Variants in PCNX1 observed in about 807,000 individuals in gnomAD.
PCNX1 encodes pecanex-like protein 1.
In PCNX1, 78 loss-of-function variants were observed where a neutral mutation model predicts 242.2. The observed-to-expected ratio is 0.32, with a 90% CI of 0.27 to 0.39. The LOEUF is 0.39. Ranked by LOEUF, PCNX1 falls within the 10% of genes least tolerant of loss-of-function variation. The pLI is 1.00. For synonymous variants in PCNX1, 1,024 were observed against 1,032.9 expected (o/e 0.99, Z 0.17); for missense variants, 2,581 against 2,856.5 (o/e 0.90, Z 2.20).
intron 29 of PCNX1, among the ~76,000 whole-genome samples, 177 bp downstream of exon 29, chr14:71,088,607 A>G (rs558632357): frequency 2.0e-5 from 3 of 152,344 alleles, no homozygotes; most frequent in African/African-American, 7.2e-5. Context: ...ACTGGTTAAC[A>G]GAACTGGTTT....
chr14:71,042,476 G>A (rs1196156822), intron 19 of PCNX1, among the ~76,000 whole-genome samples: 1 of 151,854 alleles, frequency 6.6e-6, no homozygotes, highest in East Asian at 1.9e-4. Context: ...TCTGATACAA[G>A]TATAGCTCCG....
intron 8 of PCNX1, among the ~76,000 whole-genome samples, chr14:70,999,084 A>G (rs1475383526): frequency 8.5e-5 from 13 of 152,226 alleles, no homozygotes; most frequent in Admixed American, 7.9e-4. Context: ...TGACTTAGTA[A>G]TGCCCAGATT....
chr14:70,909,882 T>A (rs1346176686), intron 1 of PCNX1, among the ~76,000 whole-genome samples: 1 of 152,058 alleles, frequency 6.6e-6, no homozygotes, highest in East Asian at 1.9e-4. Context: ...TTACCTGAAA[T>A]GGATAATAAG....
At chr14:70,945,265 A>G (rs927216320) in intron 1 of PCNX1, among the ~76,000 whole-genome samples, 1 of 152,214 alleles carries the variant, frequency 6.6e-6, no homozygotes, top group Non-Finnish European at 1.5e-5. Context: ...GACCAAATAC[A>G]TATTTCACAA....
intron 32 of PCNX1, 149 bp downstream of exon 32, chr14:71,103,818 T>A: frequency 1.6e-6 from 1 of 638,620 alleles, no homozygotes; most frequent in Non-Finnish European, 2.6e-6. Context: ...AGAAGTAGAA[T>A]CTGAGCATTC....
chr14:71,083,543 C>T (rs1411056354), intron 28 of PCNX1, among the ~76,000 whole-genome samples: 7 of 152,022 alleles, frequency 4.6e-5, no homozygotes, highest in East Asian at 1.9e-4. Context: ...AGGCTTTGTT[C>T]GTTCCTTTTC....
intron 8 of PCNX1, among the ~76,000 whole-genome samples, chr14:70,999,206 A>G (rs1477702570): frequency 1.3e-5 from 2 of 152,182 alleles, no homozygotes; most frequent in Non-Finnish European, 2.9e-5. Context: ...TCTCTTATAA[A>G]TTAAGACTAA....
intron 11 of PCNX1, among the ~76,000 whole-genome samples, chr14:71,017,094 A>G (rs866538612): frequency 7.2e-5 from 11 of 152,348 alleles, no homozygotes; most frequent in African/African-American, 2.4e-4. Flanking sequence ...TTAGAGAATG[A>G]TATGAGCAGC....
At chr14:70,978,732 T>G in intron 6 of PCNX1, 84 bp downstream of exon 6, 1 of 1,181,696 alleles carries the variant, frequency 8.5e-7, no homozygotes, top group East Asian at 2.4e-5. Context: ...TAAAATATGC[T>G]TCTGTTAATA....
intron 19 of PCNX1, among the ~76,000 whole-genome samples, chr14:71,037,419 G>A (rs1356040308): frequency 7.0e-6 from 1 of 143,714 alleles, no homozygotes; most frequent in Non-Finnish European, 1.5e-5. Flanking sequence ...GATATTGGCT[G>A]TGGGTTTGTC....
chr14:70,948,939 G>A (rs868566040), intron 2 of PCNX1, among the ~76,000 whole-genome samples: 1 of 141,414 alleles, frequency 7.1e-6, no homozygotes. Flanking sequence ...GTACATATAT[G>A]TACATATACA....
intron 7 of PCNX1, 120 bp downstream of exon 7, chr14:70,988,819 C>A (rs2059073896): frequency 1.6e-6 from 2 of 1,283,542 alleles, no homozygotes; most frequent in Non-Finnish European, 2.2e-6. Flanking sequence ...TGTTTCTTTC[C>A]TATACATTTA....
chr14:71,007,117 G>A (rs1443742439), intron 8 of PCNX1, among the ~76,000 whole-genome samples: 1 of 151,734 alleles, frequency 6.6e-6, no homozygotes, highest in Non-Finnish European at 1.5e-5. Flanking sequence ...TAGTAATTTG[G>A]ATAGAATCAT....
At position 71,009,672 on chromosome 14, in the gene PCNX1, G is replaced by C. The variant is rs780767586; in HGVS notation, c.2668G>C (p.Asp890His). 3.1e-6 allele frequency: 5 copies of C among 1,604,664 alleles called. No homozygotes were observed. In the African/African-American group the frequency reaches 6.7e-5, roughly 21 times the overall value. ...TACGCTGTATGAGACTGGTGGCTGTGATATGTCACTTGTGAATTTTGAACC... is the reference window on the plus strand; with the variant it reads ...TACGCTGTATGAGACTGGTGGCTGTCATATGTCACTTGTGAATTTTGAACC... ...SSTLYETGGCDMSLVNFEPAA... is the reference protein window; with the variant it reads ...SSTLYETGGCHMSLVNFEPAA... The change falls in exon 9 of 36, where the codon GAT becomes CAT. Residue 890 changes from aspartate to histidine, a missense_variant. This residue lies in a region of PCNX1 where 1,204 missense variants were observed against 1,216.7 expected (regional missense o/e 0.99). Coordinates refer to ENST00000304743, the MANE Select transcript of PCNX1 (RefSeq NM_014982.3).
chr14:70,962,442 A>AT (rs1353205464), intron 3 of PCNX1, 111 bp downstream of exon 3: 1 of 630,584 alleles, frequency 1.6e-6, no homozygotes. Context: ...TCTGATTATT[A>AT]TTTTTAATTG....
At chr14:71,088,649 A>C (rs1261940774) in intron 29 of PCNX1, among the ~76,000 whole-genome samples, 1 of 152,220 alleles carries the variant, frequency 6.6e-6, no homozygotes, top group Admixed American at 6.5e-5. Flanking sequence ...AGCCACTGAT[A>C]ATGAGAATAT....
chr14:70,964,678 A>G (rs1185470453), intron 3 of PCNX1, among the ~76,000 whole-genome samples: 1 of 152,076 alleles, frequency 6.6e-6, no homozygotes, highest in East Asian at 1.9e-4. Context: ...GCACTTTTGG[A>G]TCCTGTGACC....
At chr14:70,983,987 T>G (rs1442950953) in intron 6 of PCNX1, among the ~76,000 whole-genome samples, 1 of 151,500 alleles carries the variant, frequency 6.6e-6, no homozygotes, top group East Asian at 1.9e-4. Context: ...TATGTCTTTA[T>G]ATAGTAATTT....
At chr14:70,951,532 GC>G (rs544261690) in intron 2 of PCNX1, among the ~76,000 whole-genome samples, 1,783 of 151,800 alleles carry the variant, frequency 0.012, 11 homozygotes, top group Non-Finnish European at 0.019. Flanking sequence ...GCACCACCAC[GC>G]CCAGCTAATT....
Sources: allele counts gnomAD v4.1 joint callset (sites outside exome capture counted in the v4.1 genomes callset), GRCh38; gene constraint gnomAD v4.1.1; regional missense constraint gnomAD v4.1.1; transcripts MANE v1.5; gene names NCBI Gene and HGNC (gene_info 2026-07-23, HGNC 2026-07-21).